CCDC192: variants seen among roughly 807,000 people sequenced by gnomAD.
CCDC192 encodes the protein coiled-coil domain containing 192.
At chr5:127,709,202 G>GAGAGA (rs1751168365) in intron 2 of CCDC192, among the ~76,000 whole-genome samples, 1 of 85,692 alleles carries the variant, frequency 1.2e-5, no homozygotes, top group Admixed American at 1.6e-4. Context: ...GGAGAGAGGG[G>GAGAGA]GAGAGAGAGA....
intron 2 of CCDC192, chr5:127,740,040 G>A (rs548517471): frequency 2.6e-5 from 4 of 152,392 alleles, no homozygotes; most frequent in Admixed American, 6.5e-5. Context: ...AAGAATGCTT[G>A]GGAAGGAGCT....
chr5:127,764,537 G>A (rs774549487), intron 3 of CCDC192, among the ~76,000 whole-genome samples: 10 of 152,048 alleles, frequency 6.6e-5, no homozygotes, highest in Non-Finnish European at 1.5e-4. Context: ...TACCACTTAC[G>A]CTATAGATTC....
intron 5 of CCDC192, among the ~76,000 whole-genome samples, chr5:127,804,358 T>C (rs1461164477): frequency 1.3e-5 from 2 of 152,204 alleles, no homozygotes; most frequent in African/African-American, 2.4e-5. Context: ...TGTCAGCTAC[T>C]AGCTGAGGAG....
rs149000701 is a variant in CCDC192 at position 127,911,981 on chromosome 5, G to A, written c.536-29201G>A. 1.6e-3 allele frequency among the ~76,000 whole-genome samples: 243 copies of A among 151,944 alleles called. 1 individual carries two copies. Among genetic ancestry groups the A allele is most frequent in the African/African-American group, 5.7e-3 (235 of 41,446 alleles). On this transcript the variant is annotated intron_variant, in intron 6 of 6. Coordinates refer to ENST00000514853, the MANE Select transcript of CCDC192 (RefSeq NM_001317938.2). The stretch of plus-strand genomic sequence containing the variant: ...CTGTCGCCCAGGCTGGAGTGCTGTG[G>A]TGCAATCTGGGCTCACTGCAACCTC...
chr5:127,849,545 T>G (rs1333949396), intron 5 of CCDC192, among the ~76,000 whole-genome samples: 1 of 152,190 alleles, frequency 6.6e-6, no homozygotes, highest in African/African-American at 2.4e-5. Context: ...GAGAGAACCT[T>G]CCTCCACTGC....
intron 2 of CCDC192, among the ~76,000 whole-genome samples, chr5:127,753,218 T>A (rs936194513): frequency 1.3e-5 from 2 of 152,202 alleles, no homozygotes; most frequent in African/African-American, 4.8e-5. Flanking sequence ...ACAGCCAAGC[T>A]ATAGGAAGGT....
At chr5:127,703,248 G>T, upstream of CCDC192, 1 of 383,656 alleles carries the variant, frequency 2.6e-6, no homozygotes, top group Non-Finnish European at 4.6e-6. Flanking sequence ...GATCTGATTT[G>T]TGAGATGTTT....
intron 3 of CCDC192, 127 bp from the exon 4 acceptor site, chr5:127,796,976 G>T (rs1757197914): frequency 5.3e-6 from 2 of 374,182 alleles, no homozygotes; most frequent in East Asian, 7.7e-5. Context: ...TATGAGGAAT[G>T]CTCCAGAAGC....
chr5:127,732,662 C>T (rs921573429), intron 2 of CCDC192, among the ~76,000 whole-genome samples: 1 of 152,158 alleles, frequency 6.6e-6, no homozygotes, highest in Non-Finnish European at 1.5e-5. Flanking sequence ...ACTATGCAGT[C>T]ATAAAAAGGA....
At chr5:127,902,230 C>T (rs1451982107) in intron 6 of CCDC192, among the ~76,000 whole-genome samples, 1 of 152,058 alleles carries the variant, frequency 6.6e-6, no homozygotes, top group African/African-American at 2.4e-5. Context: ...CGACATCCTG[C>T]CCCTGCACTC....
intron 5 of CCDC192, among the ~76,000 whole-genome samples, chr5:127,858,926 T>C (rs1293722345): frequency 2.2e-5 from 3 of 133,992 alleles, no homozygotes; most frequent in African/African-American, 8.0e-5. Context: ...TTTGACACTT[T>C]TGTGTGCTTA....
At chr5:127,705,299 T>G (rs1002580538) in intron 1 of CCDC192, among the ~76,000 whole-genome samples, 6 of 152,180 alleles carry the variant, frequency 3.9e-5, no homozygotes, top group Non-Finnish European at 8.8e-5. Context: ...GCCAAAGCTC[T>G]CATTTTTAAA....
At chr5:127,747,047 G>T (rs1285642541) in intron 2 of CCDC192, among the ~76,000 whole-genome samples, 1 of 151,362 alleles carries the variant, frequency 6.6e-6, no homozygotes, top group Non-Finnish European at 1.5e-5. Context: ...GACCTTTAAG[G>T]TATGTAGGAA....
At chr5:127,917,170 C>T (rs567557207) in intron 6 of CCDC192, among the ~76,000 whole-genome samples, 80 of 152,322 alleles carry the variant, frequency 5.3e-4, no homozygotes, top group African/African-American at 1.8e-3. Context: ...AGCTTTTCTA[C>T]TTCAGCTTCC....
At chr5:127,733,295 A>C (rs1375330445) in intron 2 of CCDC192, among the ~76,000 whole-genome samples, 2 of 152,174 alleles carry the variant, frequency 1.3e-5, no homozygotes, top group Non-Finnish European at 2.9e-5. Flanking sequence ...CATAAAACCT[A>C]CAGCTTGATG....
chr5:127,806,317 C>T (rs780362064), intron 5 of CCDC192, among the ~76,000 whole-genome samples: 4 of 152,070 alleles, frequency 2.6e-5, no homozygotes, highest in Non-Finnish European at 5.9e-5. Flanking sequence ...TTATTTTCCC[C>T]TTTCTGATCA....
chr5:127,787,552 T>C (rs1385697083), intron 3 of CCDC192, among the ~76,000 whole-genome samples: 1 of 152,248 alleles, frequency 6.6e-6, no homozygotes, highest in African/African-American at 2.4e-5. Flanking sequence ...CCTTCTGTTA[T>C]TGATTTTTAG....
chr5:127,816,111 G>A (rs142903424), intron 5 of CCDC192, among the ~76,000 whole-genome samples: 23 of 152,254 alleles, frequency 1.5e-4, no homozygotes, highest in African/African-American at 5.3e-4. Flanking sequence ...GAGGAGGGGA[G>A]GGGCTTATGA....
intron 2 of CCDC192, among the ~76,000 whole-genome samples, chr5:127,744,137 C>T (rs1284710179): frequency 2.2e-5 from 3 of 137,312 alleles, no homozygotes; most frequent in Admixed American, 1.4e-4. Flanking sequence ...CTATTGAAAA[C>T]GCTAAACACA....
Sources: allele counts gnomAD v4.1 joint callset (sites outside exome capture counted in the v4.1 genomes callset), GRCh38; gene constraint gnomAD v4.1.1; transcripts MANE v1.5; gene names NCBI Gene and HGNC (gene_info 2026-07-23, HGNC 2026-07-21).